Variants in SYT3 observed in about 807,000 individuals in gnomAD.
The protein encoded by SYT3 is synaptotagmin-3.
A neutral mutation model predicts 50.6 loss-of-function variants in SYT3; 25 were observed. That is an observed-to-expected ratio of 0.49 (90% CI 0.36 to 0.69). The LOEUF (loss-of-function observed/expected upper bound fraction) is 0.69, where lower values mean the gene tolerates loss of function less well. Among genes scored for constraint, SYT3 ranks in the 30% least tolerant of loss-of-function variants. SYT3 has a pLI of 0.00. For missense variants in SYT3, 589 were observed against 793.6 expected (o/e 0.74, Z 3.10); for synonymous variants, 323 against 353.9 (o/e 0.91, Z 0.98).
At chr19:50,629,099 A>T (rs1984180095) in intron 6 of SYT3, among the ~76,000 whole-genome samples, 195 bp downstream of exon 6, 1 of 152,168 alleles carries the variant, frequency 6.6e-6, no homozygotes, top group African/African-American at 2.4e-5. Context: ...CTGGGATTAT[A>T]GGCATGAGCT....
In SYT3 at chr19:50,625,128, G is replaced by C; in HGVS notation, c.1707+34C>G. The C allele has an allele frequency of 6.5e-7, 1 of 1,532,186 alleles. No individual in the cohort carries two copies. The highest frequency in any genetic ancestry group is 2.3e-5 in the East Asian group (1 of 43,430). The allele number at this position is 1,532,186 out of a possible 1,614,324, so 94.9% of individuals were successfully genotyped here. A position where few individuals can be genotyped will look rare whatever the true frequency, so the allele number is the denominator to read the frequency against. On this transcript the variant is annotated intron_variant, in intron 9 of 10. Transcript: ENST00000600079. This position sits in a 1 kb window ranked among gnomAD's most constrained non-coding sequence, Gnocchi z 7.5. ...ATGAAGGGGCCGAGGGTGCACGGGT[G>C]CTTGTCAGGGGTCGGTGTGGGACCC...
At chr19:50,627,708 CAGAG>C (rs1459345754) in intron 6 of SYT3, among the ~76,000 whole-genome samples, 2 of 122,930 alleles carry the variant, frequency 1.6e-5, no homozygotes, top group African/African-American at 3.3e-5. Context: ...GCCTGGGTGA[CAGAG>C]AGAGACTCTG....
At chr19:50,633,122 C>T (rs991004996) in intron 3 of SYT3, among the ~76,000 whole-genome samples, 3 of 152,158 alleles carry the variant, frequency 2.0e-5, no homozygotes, top group African/African-American at 7.2e-5. Flanking sequence ...GCTGGAACTA[C>T]AGGTATGTGC....
chr19:50,635,176 G>A (rs1321727202), intron 3 of SYT3, among the ~76,000 whole-genome samples: 1 of 151,946 alleles, frequency 6.6e-6, no homozygotes. Context: ...CCAAAGTGCT[G>A]GGATTACAGG....
chr19:50,631,828 T>G (rs1321758582), intron 4 of SYT3, among the ~76,000 whole-genome samples: 1 of 152,050 alleles, frequency 6.6e-6, no homozygotes, highest in Non-Finnish European at 1.5e-5. Context: ...GTCTGGTGTT[T>G]TCCTAACACC....
rs546732660 is a variant in SYT3, at chr19:50,637,082, C to A, written c.148+182G>T. On this transcript the variant is annotated intron_variant, in intron 3 of 10. Coordinates refer to ENST00000600079, the MANE Select transcript of SYT3 (RefSeq NM_001160329.2). This position sits in a 1 kb window ranked among gnomAD's most constrained non-coding sequence, Gnocchi z 4.9. Reference sequence around the variant, plus strand: ...GGCCCACAGGGCAAAACTCAAAAAGCAGACCACACAGCTCCTTCCCCTTGG... The same window carrying A: ...GGCCCACAGGGCAAAACTCAAAAAGAAGACCACACAGCTCCTTCCCCTTGG... 6.6e-6 allele frequency among the ~76,000 whole-genome samples: 1 copy of A among 152,158 alleles called. No homozygotes were observed. The highest frequency in any genetic ancestry group is 1.5e-5 in the Non-Finnish European group (1 of 68,036).
In SYT3 at chr19:50,626,751, G is replaced by C. The variant is rs557956079; in HGVS notation, c.1282-734C>G. Among the ~76,000 whole-genome samples, 39 of 151,234 alleles carry C rather than the reference G, an allele frequency of 2.6e-4. No individual in the cohort carries two copies. The East Asian group carries it at 7.4e-3, about 29-fold the overall frequency. On this transcript the variant is annotated intron_variant, in intron 6 of 10. Transcript: ENST00000600079. ...GACAGGGGGTACAGAGACCCAGAGA[G>C]AGAAAGAGAGAGAGATATATATAGA...
chr19:50,649,710 T>G, the SYT3 span: 5 of 679,358 alleles, frequency 7.4e-6, no homozygotes, highest in Non-Finnish European at 1.1e-5. Context: ...GCCTCTGCAG[T>G]TCCTTGGCCA....
chr19:50,653,894 A>G, the SYT3 span, among the ~76,000 whole-genome samples: 1 of 151,960 alleles, frequency 6.6e-6, no homozygotes, highest in African/African-American at 2.4e-5. Flanking sequence ...TCTTCATCTC[A>G]TTGGGAACCA....
the SYT3 span, among the ~76,000 whole-genome samples, chr19:50,647,660 C>G: frequency 5.3e-5 from 8 of 152,068 alleles, no homozygotes; most frequent in Admixed American, 3.9e-4. Context: ...CAGTGAGACC[C>G]TGTCTCAAAA....
rs201745122 is a variant in SYT3 at position 50,637,419 on chromosome 19, G to C, written c.-8C>G. On this transcript the variant is annotated 5_prime_UTR_variant, in exon 3 of 11. Transcript: ENST00000600079. The surrounding 1 kb of genome is among the most constrained non-coding windows in gnomAD (Gnocchi z 4.9). ...CTCGTAGTCTCCTGACATGGTGGCC[G>C]TCTGGTCCTGTGTGTGGGAGGGATG... 1.3e-6 allele frequency: 2 copies of C among 1,591,114 alleles called. No individual in the cohort carries two copies. The highest frequency in any genetic ancestry group is 1.7e-5 in the Admixed American group (1 of 59,750).
In SYT3 at chr19:50,637,317, C is replaced by G; in HGVS notation, c.95G>C (p.Arg32Thr). ...ARVRDADTNDRCQEFNDRIRG... is the reference protein window; with the variant it reads ...ARVRDADTNDTCQEFNDRIRG... ...GATTCGGTCATTGAACTCCTGGCACCTGTCGTTGGTGTCAGCATCTCGGAC... is the reference window on the plus strand; with the variant it reads ...GATTCGGTCATTGAACTCCTGGCACGTGTCGTTGGTGTCAGCATCTCGGAC... Residue 32 changes from arginine to threonine, a missense_variant, in exon 3 of 11, where the codon AGG becomes ACG. Transcript: ENST00000600079. The surrounding 1 kb of genome is among the most constrained non-coding windows in gnomAD (Gnocchi z 4.9). 1.2e-6 allele frequency: 2 copies of G among 1,613,440 alleles called. No individual in the cohort carries two copies. Among genetic ancestry groups the G allele is most frequent in the Non-Finnish European group, 1.7e-6 (2 of 1,179,930 alleles).
At chr19:50,624,994 G>A (rs542099906) in intron 9 of SYT3, 168 bp downstream of exon 9, 79 of 569,706 alleles carry the variant, frequency 1.4e-4, no homozygotes, top group African/African-American at 1.3e-3. Context: ...GGCACAGAGC[G>A]CTTGGGTAAC....
the SYT3 span, among the ~76,000 whole-genome samples, chr19:50,650,399 G>A: frequency 6.6e-6 from 1 of 152,226 alleles, no homozygotes; most frequent in South Asian, 2.1e-4. Flanking sequence ...GACTGGGTGT[G>A]GTGGCTCACG....
Position 50,625,879 on chromosome 19 carries a change from C to T in SYT3, c.1402+18G>A. The T allele has an allele frequency of 1.2e-6, 2 of 1,611,166 alleles. No homozygotes were observed. Among genetic ancestry groups the T allele is most frequent in the African/African-American group, 1.3e-5 (1 of 74,954 alleles). On this transcript the variant is annotated intron_variant, in intron 7 of 10. Transcript: ENST00000600079. This position sits in a 1 kb window ranked among gnomAD's most constrained non-coding sequence, Gnocchi z 7.5. ...GTCCAGGCCCCCAGCCCTCCTCCCT[C>T]AGACCCAGGACCCTCACCTGAGAAG...
upstream of SYT3, among the ~76,000 whole-genome samples, chr19:50,640,004 C>T (rs1339434551): frequency 6.6e-6 from 1 of 152,194 alleles, no homozygotes; most frequent in African/African-American, 2.4e-5. Context: ...ACTAAGGCAG[C>T]AGAGACCCAG....
the SYT3 span, among the ~76,000 whole-genome samples, chr19:50,655,169 G>A: frequency 6.6e-6 from 1 of 152,202 alleles, no homozygotes; most frequent in Admixed American, 6.5e-5. Context: ...CTCTAGCTGG[G>A]AAGCCATGTG....
At chr19:50,641,873 A>C (rs1481483266), upstream of SYT3, among the ~76,000 whole-genome samples, 4 of 152,008 alleles carry the variant, frequency 2.6e-5, no homozygotes, top group Admixed American at 2.6e-4. Flanking sequence ...AATATGAATA[A>C]ATAAATAAAT....
chr19:50,633,419 T>C (rs1051984314), intron 3 of SYT3, among the ~76,000 whole-genome samples: 1 of 152,252 alleles, frequency 6.6e-6, no homozygotes, highest in Non-Finnish European at 1.5e-5. Context: ...TTTATTCTCT[T>C]AATCACTAGA....
Sources: allele counts gnomAD v4.1 joint callset (sites outside exome capture counted in the v4.1 genomes callset), GRCh38; gene constraint gnomAD v4.1.1; non-coding constraint Gnocchi (gnomAD v3.1); transcripts MANE v1.5; gene names NCBI Gene and HGNC (gene_info 2026-07-23, HGNC 2026-07-21).